The following NOL4 variants were observed in gnomAD, a reference collection of about 807,000 sequenced individuals.
The protein encoded by NOL4 is cancer/testis antigen 125.
NOL4 carries 17 observed loss-of-function variants against 75.9 expected under a neutral mutation model. The ratio of observed to expected loss-of-function variants is 0.22; its 90% CI spans 0.15 to 0.34. NOL4 has a LOEUF of 0.34. Ranked by LOEUF, NOL4 falls within the 10% of genes least tolerant of loss-of-function variation. The probability of loss-of-function intolerance (pLI) is 1.00; values close to 1 mark genes in which losing one functional copy is unlikely to be tolerated. For synonymous variants in NOL4, 292 were observed against 289.9 expected, an observed-to-expected ratio of 1.01 and a Z score of -0.07; for missense variants, 614 against 793.5, an observed-to-expected ratio of 0.77 and a Z score of 2.72.
At chr18:34,086,204 A>T (rs962539652) in intron 5 of NOL4, among the ~76,000 whole-genome samples, 10 of 152,180 alleles carry the variant, frequency 6.6e-5, no homozygotes, top group African/African-American at 2.4e-4. Flanking sequence ...TAAGTCCAGA[A>T]GTGTATGCAA....
chr18:34,129,820 T>C lies in NOL4; in HGVS notation c.414+51A>G, dbSNP rs375872460. On this transcript the variant is annotated intron_variant, in intron 2 of 10. Coordinates refer to ENST00000261592, the MANE Select transcript of NOL4 (RefSeq NM_003787.5). ...TCGAACCCATTTAAACAAGGATACA[T>C]AATATCAAGTCTCGAAATGCATGCT... 6.1e-6 allele frequency: 9 copies of C among 1,485,018 alleles called. No individual in the cohort carries two copies. The African/African-American group carries it at 1.3e-4, about 21-fold the overall frequency. The allele number at this position is 1,485,018 out of a possible 1,614,324, so 92.0% of individuals were successfully genotyped here. A position where few individuals can be genotyped will look rare whatever the true frequency, so the allele number is the denominator to read the frequency against.
At chr18:33,946,744 T>C (rs551532832) in intron 8 of NOL4, among the ~76,000 whole-genome samples, 1 of 151,872 alleles carries the variant, frequency 6.6e-6, no homozygotes, top group East Asian at 1.9e-4. Context: ...TTCTATAAAT[T>C]ATGAAATTTA....
At chr18:34,016,712 C>G (rs996946723) in intron 6 of NOL4, among the ~76,000 whole-genome samples, 1 of 152,088 alleles carries the variant, frequency 6.6e-6, no homozygotes, top group Non-Finnish European at 1.5e-5. Context: ...TCTGTTCTTT[C>G]ATTTCACCCT....
intron 8 of NOL4, among the ~76,000 whole-genome samples, chr18:33,954,234 AACG>A (rs1428841799): frequency 6.6e-6 from 1 of 152,180 alleles, no homozygotes; most frequent in Non-Finnish European, 1.5e-5. Context: ...TCTAGGGAAT[AACG>A]ACAAGTAAAA....
chr18:33,943,242 A>C, intron 8 of NOL4, 64 bp from the exon 9 acceptor site: 1 of 1,056,602 alleles, frequency 9.5e-7, no homozygotes, highest in Non-Finnish European at 1.4e-6. Context: ...GGCCAATGCT[A>C]TTCTCAGAAG....
intron 4 of NOL4, among the ~76,000 whole-genome samples, chr18:34,095,077 CT>C (rs1421973781): frequency 6.6e-6 from 1 of 152,010 alleles, no homozygotes; most frequent in African/African-American, 2.4e-5. Context: ...GGTGTCTTTC[CT>C]TTATCAAAGA....
At chr18:34,059,133 ATAT>A (rs2076960984) in intron 5 of NOL4, among the ~76,000 whole-genome samples, 4 of 91,478 alleles carry the variant, frequency 4.4e-5, no homozygotes, top group Non-Finnish European at 6.8e-5. Flanking sequence ...ATATATATAT[ATAT>A]ATATATATAT....
At chr18:33,931,974 A>C (rs2067723118) in intron 9 of NOL4, among the ~76,000 whole-genome samples, 1 of 152,022 alleles carries the variant, frequency 6.6e-6, no homozygotes, top group Non-Finnish European at 1.5e-5. Context: ...GTTTACCAGC[A>C]GTTTCTTACC....
chr18:34,118,337 C>T (rs2079960898), intron 2 of NOL4, among the ~76,000 whole-genome samples: 3 of 152,036 alleles, frequency 2.0e-5, no homozygotes, highest in Admixed American at 2.0e-4. Context: ...AAATAATCTC[C>T]TAGTGAAATT....
chr18:34,202,069 A>C (rs763833159), intron 1 of NOL4, among the ~76,000 whole-genome samples: 4 of 151,900 alleles, frequency 2.6e-5, no homozygotes, highest in Non-Finnish European at 5.9e-5. Context: ...TTTGTCCTGG[A>C]TCTGGTAACC....
chr18:34,139,269 T>C (rs1366549990), intron 1 of NOL4, among the ~76,000 whole-genome samples: 6 of 152,326 alleles, frequency 3.9e-5, no homozygotes, highest in Non-Finnish European at 2.9e-5. Context: ...CTCCTCCTTG[T>C]ACCTCTAGTA....
At chr18:34,011,258 AAAAT>A (rs753907630) in intron 6 of NOL4, among the ~76,000 whole-genome samples, 15 of 151,778 alleles carry the variant, frequency 9.9e-5, no homozygotes, top group Non-Finnish European at 2.1e-4. Context: ...AAATAAAAAT[AAAAT>A]AAATAGTAAT....
chr18:33,968,993 C>T (rs1412278886), intron 6 of NOL4, among the ~76,000 whole-genome samples: 1 of 152,032 alleles, frequency 6.6e-6, no homozygotes, highest in Non-Finnish European at 1.5e-5. Context: ...TTTTACTGTT[C>T]AAATTAATTA....
At position 33,896,037 on chromosome 18, in the gene NOL4, C is replaced by T. The variant is rs80118201; in HGVS notation, c.1543-12613G>A. 3.4e-3 allele frequency among the ~76,000 whole-genome samples: 510 copies of T among 151,992 alleles called. 6 individuals are homozygous for T. Among genetic ancestry groups the T allele is most frequent in the African/African-American group, 0.012 (492 of 41,492 alleles). On this transcript the variant is annotated intron_variant, in intron 9 of 10. Coordinates refer to ENST00000261592, the MANE Select transcript of NOL4 (RefSeq NM_003787.5). The stretch of plus-strand genomic sequence containing the variant: ...CAAACCAAGAACCAAATCAGAAAGG[C>T]AATTCCATTTACAATGGACTCAAAA...
chr18:34,117,377 A>G (rs1016431671), intron 2 of NOL4, among the ~76,000 whole-genome samples: 1 of 152,226 alleles, frequency 6.6e-6, no homozygotes, highest in Non-Finnish European at 1.5e-5. Flanking sequence ...GAAAAAAGAT[A>G]GAGACTGTTT....
chr18:34,155,671 G>A (rs1234912230), intron 1 of NOL4, among the ~76,000 whole-genome samples: 1 of 151,996 alleles, frequency 6.6e-6, no homozygotes, highest in African/African-American at 2.4e-5. Flanking sequence ...GAAAAGGTAT[G>A]TAAAATATAG....
chr18:34,116,521 A>G (rs2079867945), intron 2 of NOL4, among the ~76,000 whole-genome samples: 1 of 152,226 alleles, frequency 6.6e-6, no homozygotes, highest in African/African-American at 2.4e-5. Flanking sequence ...AAATTTTAAA[A>G]GCAATCACAA....
intron 9 of NOL4, among the ~76,000 whole-genome samples, chr18:33,919,913 C>T (rs1427232636): frequency 1.3e-5 from 2 of 152,054 alleles, no homozygotes; most frequent in African/African-American, 4.8e-5. Flanking sequence ...AGATGGGGGG[C>T]TGTGTGTGTA....
chr18:34,068,645 C>A (rs2077382461), intron 5 of NOL4, among the ~76,000 whole-genome samples: 1 of 152,152 alleles, frequency 6.6e-6, no homozygotes, highest in Admixed American at 6.5e-5. Flanking sequence ...TGTCCACCCA[C>A]CTCGGCCTCC....
Sources: gnomAD v4.1 joint callset for allele counts (sites outside exome capture counted in the v4.1 genomes callset) on GRCh38, gnomAD v4.1.1 for gene constraint, MANE v1.5 for transcripts, NCBI Gene and HGNC (gene_info 2026-07-23, HGNC 2026-07-21) for gene names.